The following LY86 variants were observed in gnomAD, a reference collection of about 807,000 sequenced individuals.
The protein encoded by LY86 is lymphocyte antigen 86, also known as MD-1, RP105-associated.
A neutral mutation model predicts 17.3 loss-of-function variants in LY86; 20 were observed. That is an observed-to-expected ratio of 1.15 (90% confidence interval 0.81 to 1.68). The LOEUF (loss-of-function observed/expected upper bound fraction) is 1.68. Among genes scored for constraint, LY86 ranks in the 40% most tolerant of loss-of-function variants. The probability of loss-of-function intolerance (pLI) is 0.00; values close to 1 mark genes in which losing one functional copy is unlikely to be tolerated. For synonymous variants in LY86, 74 were observed against 70.6 expected (o/e 1.05, Z -0.24); for missense variants, 200 against 191.9 (o/e 1.04, Z -0.25).
rs1488847223 is a variant in LY86, at chr6:6,654,935, T to C, written c.*308T>C. ...CAGACTCACCTGCTTTTCAACTTTTTAGGAGTGCTTCCTCACAGTTACCAA... is the reference window on the plus strand; with the variant it reads ...CAGACTCACCTGCTTTTCAACTTTTCAGGAGTGCTTCCTCACAGTTACCAA... On this transcript the variant is annotated 3_prime_UTR_variant, in exon 5 of 5. Transcript: ENST00000230568. 1 of 320,254 alleles carries C rather than the reference T, an allele frequency of 3.1e-6. No homozygotes were observed. The highest frequency in any genetic ancestry group is 5.7e-6 in the Non-Finnish European group (1 of 175,064). 19.8% of individuals were successfully genotyped at this position (320,254 alleles called of 1,614,324 possible).
At chr6:6,613,563 G>A (rs1241038485) in intron 1 of LY86, among the ~76,000 whole-genome samples, 2 of 152,176 alleles carry the variant, frequency 1.3e-5, no homozygotes, top group African/African-American at 2.4e-5. Flanking sequence ...CCGATCCCAC[G>A]CCCACCGGGA....
At chr6:6,606,155 G>A (rs1761136270) in intron 1 of LY86, among the ~76,000 whole-genome samples, 1 of 152,140 alleles carries the variant, frequency 6.6e-6, no homozygotes, top group African/African-American at 2.4e-5. Context: ...TTTTGACAGG[G>A]CACTGATTGG....
At chr6:6,610,697 T>G (rs1449495150) in intron 1 of LY86, among the ~76,000 whole-genome samples, 1 of 151,936 alleles carries the variant, frequency 6.6e-6, no homozygotes, top group Non-Finnish European at 1.5e-5. Context: ...TTTTGTGGGG[T>G]GTGTGTGTGC....
intron 1 of LY86, among the ~76,000 whole-genome samples, chr6:6,598,272 T>C (rs1760781506): frequency 6.6e-6 from 1 of 152,220 alleles, no homozygotes; most frequent in Admixed American, 6.5e-5. Flanking sequence ...AAGCACAAAT[T>C]ATCACAAAAT....
At chr6:6,606,470 C>T (rs754602538) in intron 1 of LY86, among the ~76,000 whole-genome samples, 11 of 152,332 alleles carry the variant, frequency 7.2e-5, no homozygotes, top group Admixed American at 2.0e-4. Flanking sequence ...ACCGCGCACC[C>T]GCACTCCTCA....
intron 1 of LY86, among the ~76,000 whole-genome samples, chr6:6,606,482 C>A (rs749701136): frequency 6.6e-6 from 1 of 152,194 alleles, no homozygotes; most frequent in Non-Finnish European, 1.5e-5. Context: ...CACTCCTCAG[C>A]CCTTGGGTGG....
intron 1 of LY86, among the ~76,000 whole-genome samples, chr6:6,624,506 C>G (rs890858334): frequency 6.6e-6 from 1 of 152,046 alleles, no homozygotes; most frequent in African/African-American, 2.4e-5. Flanking sequence ...AATGTCTACT[C>G]AAGCTCTCCT....
At chr6:6,608,397 C>A (rs1156975002) in intron 1 of LY86, among the ~76,000 whole-genome samples, 2 of 152,216 alleles carry the variant, frequency 1.3e-5, no homozygotes, top group African/African-American at 4.8e-5. Context: ...AGGTAGAGTA[C>A]ATCATTATAC....
At chr6:6,644,678 G>T (rs1382764047) in intron 3 of LY86, among the ~76,000 whole-genome samples, 1 of 151,872 alleles carries the variant, frequency 6.6e-6, no homozygotes, top group Non-Finnish European at 1.5e-5. Context: ...ATTCAGAAAT[G>T]ACTTCAAGTG....
At chr6:6,605,903 G>GGCTTCAGGAATGAA (rs1554123963) in intron 1 of LY86, among the ~76,000 whole-genome samples, 2 of 152,038 alleles carry the variant, frequency 1.3e-5, no homozygotes, top group African/African-American at 4.8e-5. Context: ...TAGTCTCGCT[G>GGCTTCAGGAATGAA]GCTTCAGGAA....
Position 6,605,557 on chromosome 6 carries a change from C to G in LY86, c.136+16687C>G, listed in dbSNP as rs1581235664. ...ACCCCATAACATGGCAACGTGCTTC[C>G]CACGGAGTGGGAGAAAGCGCATGAC... On this transcript the variant is annotated intron_variant, in intron 1 of 4. Coordinates refer to ENST00000230568, the MANE Select transcript of LY86 (RefSeq NM_004271.4). 2.6e-5 allele frequency among the ~76,000 whole-genome samples: 4 copies of G among 152,374 alleles called. No individual in the cohort carries two copies. In the East Asian group the frequency reaches 7.7e-4, roughly 29 times the overall value.
intron 4 of LY86, among the ~76,000 whole-genome samples, chr6:6,650,044 C>T (rs999068522): frequency 2.6e-5 from 4 of 152,094 alleles, no homozygotes; most frequent in Admixed American, 6.5e-5. Context: ...GTGTGGGCGG[C>T]ACCATGCATG....
intron 3 of LY86, among the ~76,000 whole-genome samples, chr6:6,639,695 C>T (rs1762011615): frequency 6.6e-6 from 1 of 152,196 alleles, no homozygotes; most frequent in Non-Finnish European, 1.5e-5. Flanking sequence ...TTGGACCCCC[C>T]TGGGCCACAC....
intron 1 of LY86, among the ~76,000 whole-genome samples, chr6:6,603,555 G>A (rs1298291227): frequency 1.4e-5 from 2 of 145,642 alleles, no homozygotes; most frequent in African/African-American, 5.1e-5. Context: ...AAAATGATGA[G>A]GTCTCCAGAA....
intron 1 of LY86, among the ~76,000 whole-genome samples, chr6:6,600,610 A>T (rs1402110935): frequency 6.5e-5 from 9 of 138,120 alleles, no homozygotes; most frequent in African/African-American, 2.6e-4. Context: ...AAAAAAAAAA[A>T]AAAAAAAAAA....
In LY86 at chr6:6,624,970, C is replaced by T. The variant is rs1196989776; in HGVS notation, c.181C>T (p.Gln61Ter). ...FGFSVEKCSKQLKSNINIRFG... is the reference protein window; with the variant it reads ...FGFSVEKCSK ...CTTTTCTGTTGAAAAGTGTTCCAAG[C>T]AATTAAAATCAAATATCAACATTAG... Residue 61 changes from glutamine (Q) to a stop codon, truncating the protein, a stop_gained, in exon 2 of 5, where the codon CAA becomes TAA. Coordinates refer to ENST00000230568, the MANE Select transcript of LY86 (RefSeq NM_004271.4). LOFTEE classifies it high-confidence loss of function. 1.3e-6 allele frequency: 2 copies of T among 1,558,890 alleles called. No individual in the cohort carries two copies. The highest frequency in any genetic ancestry group is 1.8e-6 in the Non-Finnish European group (2 of 1,138,396).
intron 1 of LY86, among the ~76,000 whole-genome samples, chr6:6,606,844 G>C (rs528370401): frequency 6.6e-6 from 1 of 152,374 alleles, no homozygotes; most frequent in East Asian, 1.9e-4. Flanking sequence ...AGCGGGCTCC[G>C]GCCTTGGCCA....
At chr6:6,615,371 G>T (rs572154103) in intron 1 of LY86, among the ~76,000 whole-genome samples, 1 of 152,288 alleles carries the variant, frequency 6.6e-6, no homozygotes, top group Admixed American at 6.5e-5. Flanking sequence ...AATCTCAAGG[G>T]CTGGGAGGCC....
intron 1 of LY86, among the ~76,000 whole-genome samples, chr6:6,614,142 C>G (rs555313983): frequency 6.6e-6 from 1 of 152,248 alleles, no homozygotes; most frequent in Admixed American, 6.5e-5. Flanking sequence ...CTTTCCATCT[C>G]CAAAAGTCAC....
Sources: gnomAD v4.1 joint callset for allele counts (sites outside exome capture counted in the v4.1 genomes callset) on GRCh38, gnomAD v4.1.1 for gene constraint, MANE v1.5 for transcripts, NCBI Gene and HGNC (gene_info 2026-07-23, HGNC 2026-07-21) for gene names.